The following COQ6 variants were observed in gnomAD, a reference collection of about 807,000 sequenced individuals.
COQ6 encodes the protein coenzyme Q6, monooxygenase, also known as ubiquinone biosynthesis monooxygenase COQ6, mitochondrial.
Under a neutral mutation model 55.5 loss-of-function variants are expected in COQ6, and 45 were observed. The observed-to-expected ratio is 0.81, with a 90% CI of 0.64 to 1.04. The LOEUF (loss-of-function observed/expected upper bound fraction) is 1.04. Among genes scored for constraint, COQ6 ranks in the 50% least tolerant of loss-of-function variants. The probability of loss-of-function intolerance (pLI) is 0.00; values close to 1 mark genes in which losing one functional copy is unlikely to be tolerated. For synonymous variants in COQ6, 206 were observed against 230.5 expected (o/e 0.89, Z 0.96); for missense variants, 550 against 601.3 (o/e 0.91, Z 0.89).
Position 73,959,027 on chromosome 14 carries a change from G to C in COQ6, c.669G>C (p.Val223=), listed in dbSNP as rs1466150490. Residue 223 remains valine, a synonymous_variant, in exon 6 of 12, where the codon GTG becomes GTC. Coordinates refer to ENST00000334571, the MANE Select transcript of COQ6 (RefSeq NM_182476.3). Reference sequence around the variant, plus strand: ...GGCAGGCTGTTGGAATCCAGAATGTGAGCTGGAACTATGACCAGTCTGCTG... The same window carrying C: ...GGCAGGCTGTTGGAATCCAGAATGTCAGCTGGAACTATGACCAGTCTGCTG... The part of the protein sequence containing the change: ...GVRQAVGIQN[V]SWNYDQSAVV... The C allele has an allele frequency of 6.2e-7, 1 of 1,614,162 alleles. No homozygotes were observed. The highest frequency in any genetic ancestry group is 1.7e-5 in the Admixed American group (1 of 60,020).
upstream of COQ6, chr14:73,950,292 G>A: frequency 6.5e-7 from 1 of 1,541,750 alleles, no homozygotes; most frequent in Non-Finnish European, 8.7e-7. Flanking sequence ...TACGTAGGTG[G>A]GCCTGCGGGA....
rs1425686943 is a variant in COQ6, at chr14:73,950,403, G to A, written c.71G>A (p.Trp24Ter). The change falls in exon 1 of 12, where the codon TGG (tryptophan) becomes TAG (stop). Residue 24 changes from tryptophan (W) to a stop codon, truncating the protein, a stop_gained. Coordinates refer to ENST00000334571, the MANE Select transcript of COQ6 (RefSeq NM_182476.3). LOFTEE classifies it high-confidence loss of function. ...CCCCACAGCGGCCCGCTGGTGTCCT[G>A]GCGCAGGTGGTCCGGCGCCTCAACA... ...AAPHSGPLVS[W>*]RRWSGASTDT... 1.9e-6 allele frequency: 3 copies of A among 1,590,004 alleles called. No individual in the cohort carries two copies. Among genetic ancestry groups the A allele is most frequent in the Non-Finnish European group, 2.6e-6 (3 of 1,168,418 alleles).
intron 1 of COQ6, among the ~76,000 whole-genome samples, chr14:73,951,315 A>G (rs889675234): frequency 6.6e-6 from 1 of 151,442 alleles, no homozygotes; most frequent in Non-Finnish European, 1.5e-5. Context: ...TTTATTCTGT[A>G]TAAGTCCCTT....
chr14:73,950,377 TC>T lies in COQ6; in HGVS notation c.49del (p.His17ThrfsTer94). 6.4e-7 allele frequency: 1 copy of T among 1,567,748 alleles called. No homozygotes were observed. Among genetic ancestry groups the T allele is most frequent in the Non-Finnish European group, 8.6e-7 (1 of 1,157,760 alleles). On this transcript the variant is annotated frameshift_variant, in exon 1 of 12. Transcript: ENST00000334571. LOFTEE classifies it high-confidence loss of function. ...GCCGATGCGGGGCTGTGCGTGCAGC[TC>T]CCCACAGCGGCCCGCTGGTGTCCTG... ...VSRCGAVRAA[P>X]HSGPLVSWRR...
In COQ6 at chr14:73,959,455, A is replaced by G. The variant is rs2056603455; in HGVS notation, c.824A>G (p.His275Arg). The G allele has an allele frequency of 2.5e-6, 4 of 1,614,246 alleles. No individual in the cohort carries two copies. The highest frequency in any genetic ancestry group is 1.3e-5 in the African/African-American group (1 of 75,062). Residue 275 changes from histidine (H) to arginine (R), a missense_variant, in exon 8 of 12, where the codon CAT becomes CGT. His to Arg is a conservative substitution (Grantham distance 29). Transcript: ENST00000334571. ...TLSSLVWSTS[H>R]EHAAELVSMD... ...AGTTCCTTGGTTTGGTCCACGTCCC[A>G]TGAACATGCAGCAGAGCTAGTTAGC...
chr14:73,958,535 G>T, intron 5 of COQ6: 1 of 1,325,456 alleles, frequency 7.5e-7, no homozygotes, highest in South Asian at 1.5e-5. Flanking sequence ...AGAGTGTTGG[G>T]AATGGAGGCT....
At chr14:73,950,101 C>G (rs767591385), upstream of COQ6, 2 of 1,603,496 alleles carry the variant, frequency 1.2e-6, no homozygotes, top group South Asian at 2.2e-5. Context: ...CTATGCGGGG[C>G]CAGGGTCCAC....
intron 8 of COQ6, chr14:73,959,930 T>G: frequency 8.6e-7 from 1 of 1,161,216 alleles, no homozygotes; most frequent in South Asian, 2.0e-5. Context: ...TTCTACTTTG[T>G]AACTATAATG....
chr14:73,961,303 A>G lies in COQ6; in HGVS notation c.1022A>G (p.Lys341Arg), dbSNP rs2056718576. ...LPPSVARVDAKSRVLFPLGLG... is the reference protein window; with the variant it reads ...LPPSVARVDARSRVLFPLGLG... ...CCAAGCGTAGCCAGGGTGGATGCCA[A>G]AAGCCGAGTTCTGTTTCCTCTTGGG... Residue 341 changes from lysine to arginine, a missense_variant, in exon 9 of 12, where the codon AAA becomes AGA. Physicochemically the swap from Lys to Arg is conservative, Grantham distance 26. Transcript: ENST00000334571. 6.2e-7 allele frequency: 1 copy of G among 1,614,184 alleles called. No homozygotes were observed. Among genetic ancestry groups the G allele is most frequent in the Non-Finnish European group, 8.5e-7 (1 of 1,180,034 alleles).
chr14:73,958,559 G>A (rs1417358932), intron 5 of COQ6: 3 of 1,306,260 alleles, frequency 2.3e-6, no homozygotes, highest in African/African-American at 3.0e-5. Context: ...CTTTCCCTCT[G>A]AGGAGTCTGT....
intron 5 of COQ6, 93 bp downstream of exon 5, chr14:73,958,370 T>C (rs1351927938): frequency 6.3e-7 from 1 of 1,594,206 alleles, no homozygotes. Flanking sequence ...AGCTATAGTT[T>C]AATTTTAGGC....
intron 8 of COQ6, 53 bp downstream of exon 8, chr14:73,959,575 G>A: frequency 6.2e-7 from 1 of 1,613,552 alleles, no homozygotes. Context: ...GATACAGAAA[G>A]GTGTTGTTTT....
intron 1 of COQ6, among the ~76,000 whole-genome samples, chr14:73,950,968 G>A (rs2056167482): frequency 6.6e-6 from 1 of 152,118 alleles, no homozygotes; most frequent in African/African-American, 2.4e-5. Flanking sequence ...GTTTTTAATT[G>A]AGCAGTTTGT....
At chr14:73,959,842 T>C in intron 8 of COQ6, 2 of 1,303,002 alleles carry the variant, frequency 1.5e-6, no homozygotes, top group Non-Finnish European at 2.0e-6. Flanking sequence ...AGTGCTGGGA[T>C]TACAGGCGTG....
chr14:73,958,011 T>C lies in COQ6; in HGVS notation c.482-136T>C, dbSNP rs929743877. 3.0e-5 allele frequency: 23 copies of C among 777,750 alleles called. No individual in the cohort carries two copies. In the Middle Eastern group the frequency reaches 1.4e-3, roughly 46 times the overall value. The allele number at this position is 777,750 out of a possible 1,614,324, so 48.2% of individuals were successfully genotyped here. ...CATTTATTAGCTCAGACCACAGCATTAATTACTGATTTTTTTAATCTTAAA... is the reference window on the plus strand; with the variant it reads ...CATTTATTAGCTCAGACCACAGCATCAATTACTGATTTTTTTAATCTTAAA... On this transcript the variant is annotated intron_variant, in intron 4 of 11. Transcript: ENST00000334571.
In COQ6 at chr14:73,961,194, G is replaced by A; in HGVS notation, c.913G>A (p.Asp305Asn). The change falls in exon 9 of 12, where the codon GAC (aspartate) becomes AAC (asparagine). Residue 305 changes from aspartate to asparagine, a missense_variant. By Grantham distance (23) the Asp-to-Asn change is conservative. Coordinates refer to ENST00000334571, the MANE Select transcript of COQ6 (RefSeq NM_182476.3). ...TCAGTGGAGTGATGCTGACCACACG[G>A]ACTTCATCGACACAGCTGGTGCCAT... ...SAFWSDADHTDFIDTAGAMLQ... is the reference protein window; with the variant it reads ...SAFWSDADHTNFIDTAGAMLQ... 1 of 1,613,854 alleles carries A rather than the reference G, an allele frequency of 6.2e-7. No homozygotes were observed. Among genetic ancestry groups the A allele is most frequent in the East Asian group, 2.2e-5 (1 of 44,888 alleles).
At chr14:73,954,949 A>AT (rs1446614095) in intron 2 of COQ6, among the ~76,000 whole-genome samples, 16 of 91,736 alleles carry the variant, frequency 1.7e-4, no homozygotes, top group Non-Finnish European at 2.3e-4. Context: ...TTTTTTTTTT[A>AT]TTTTATTTTT....
chr14:73,958,426 G>A, intron 5 of COQ6, 149 bp downstream of exon 5: 1 of 1,509,562 alleles, frequency 6.6e-7, no homozygotes, highest in Non-Finnish European at 8.9e-7. Flanking sequence ...GCCAGCTCAA[G>A]TGGAGATGGT....
intron 2 of COQ6, among the ~76,000 whole-genome samples, chr14:73,954,983 G>A (rs1370531199): frequency 7.3e-5 from 9 of 123,746 alleles, no homozygotes; most frequent in South Asian, 2.7e-4. Flanking sequence ...ACGGAGTCTC[G>A]CTCTGTTGCC....
Sources: allele counts gnomAD v4.1 joint callset (sites outside exome capture counted in the v4.1 genomes callset), GRCh38; gene constraint gnomAD v4.1.1; transcripts MANE v1.5; gene names NCBI Gene and HGNC (gene_info 2026-07-23, HGNC 2026-07-21).